Variants in CACNA1B observed in about 807,000 individuals in gnomAD.
CACNA1B encodes voltage-dependent N-type calcium channel subunit alpha-1B.
In CACNA1B, 70 loss-of-function variants were observed where a neutral mutation model predicts 247.2. The ratio of observed to expected loss-of-function variants is 0.28; its 90% CI spans 0.23 to 0.35. CACNA1B has a LOEUF of 0.35. CACNA1B is among the 10% of genes least tolerant of loss of function. CACNA1B has a pLI of 1.00. For synonymous variants in CACNA1B, 1,231 were observed against 1,294.4 expected (o/e 0.95, Z 1.05); for missense variants, 2,367 against 3,197.4 (o/e 0.74, Z 6.26).
In CACNA1B at chr9:138,012,709, G is replaced by A. The variant is rs1442781746; in HGVS notation, c.2161-420G>A. Among the ~76,000 whole-genome samples, 2 of 149,090 alleles carry A rather than the reference G, an allele frequency of 1.3e-5. No individual in the cohort carries two copies. Among genetic ancestry groups the A allele is most frequent in the African/African-American group, 5.0e-5 (2 of 40,228 alleles). ...AGCTTGGGTGACAGAGCGAGACCCT[G>A]TCTCTAAAAAAAAAAAAAACAAATA... On this transcript the variant is annotated intron_variant, in intron 17 of 46. Coordinates refer to ENST00000371372, the MANE Select transcript of CACNA1B (RefSeq NM_000718.4). This position sits in a 1 kb window ranked among gnomAD's most constrained non-coding sequence, Gnocchi z 4.2.
chr9:138,049,567 C>T (rs1959214456), intron 24 of CACNA1B, among the ~76,000 whole-genome samples: 1 of 152,216 alleles, frequency 6.6e-6, no homozygotes, highest in African/African-American at 2.4e-5. Flanking sequence ...CCATCCCCGC[C>T]TGCCTGGAGG....
At chr9:138,088,096 C>T (rs1311418449) in intron 36 of CACNA1B, among the ~76,000 whole-genome samples, 1 of 151,918 alleles carries the variant, frequency 6.6e-6, no homozygotes, top group East Asian at 1.9e-4. Flanking sequence ...TAGCCAGGTG[C>T]GGTGGCTCAC....
At chr9:138,106,340 G>T (rs1961424512) in intron 39 of CACNA1B, among the ~76,000 whole-genome samples, 1 of 150,030 alleles carries the variant, frequency 6.7e-6, no homozygotes, top group Non-Finnish European at 1.5e-5. Flanking sequence ...CCCTGCGTCT[G>T]CCCCATCTCC....
intron 36 of CACNA1B, among the ~76,000 whole-genome samples, chr9:138,079,378 G>A (rs909348503): frequency 6.6e-6 from 1 of 152,152 alleles, no homozygotes; most frequent in African/African-American, 2.4e-5. Flanking sequence ...GGAGAACCAG[G>A]AGTGGGCGGA....
intron 10 of CACNA1B, among the ~76,000 whole-genome samples, chr9:137,969,753 C>T (rs892978152): frequency 6.6e-6 from 1 of 152,162 alleles, no homozygotes; most frequent in Non-Finnish European, 1.5e-5. Context: ...GTGTGTGACT[C>T]CTGTGTTCCT....
chr9:138,063,645 C>T (rs938307341), intron 31 of CACNA1B, among the ~76,000 whole-genome samples: 6 of 152,234 alleles, frequency 3.9e-5, no homozygotes, highest in Admixed American at 3.3e-4. Flanking sequence ...CAGGTTGGCA[C>T]CTGTGTGCCA....
rs183665836 is a variant in CACNA1B, at chr9:138,086,557, G to A, written c.5094+8299G>A. On this transcript the variant is annotated intron_variant, in intron 36 of 46. Transcript: ENST00000371372. ...TCTCTTTAAGAAAAAAAATTTTAGG[G>A]CAAGGAATGTCATTATATAATGATA... Among the ~76,000 whole-genome samples, 49 of 151,044 alleles carry A rather than the reference G, an allele frequency of 3.2e-4. 1 individual carries two copies. Among genetic ancestry groups the A allele is most frequent in the African/African-American group, 4.7e-4 (19 of 40,842 alleles).
intron 10 of CACNA1B, among the ~76,000 whole-genome samples, chr9:137,968,162 C>T (rs1354020858): frequency 6.6e-6 from 1 of 152,224 alleles, no homozygotes; most frequent in South Asian, 2.1e-4. Flanking sequence ...GATTCACTTA[C>T]ATTCAGGACC....
At chr9:138,116,121 G>C (rs368922301) in intron 42 of CACNA1B, among the ~76,000 whole-genome samples, 1 of 152,288 alleles carries the variant, frequency 6.6e-6, no homozygotes, top group African/African-American at 2.4e-5. Flanking sequence ...CCCTGCCCCT[G>C]CTCCTCATCG....
At chr9:137,937,535 C>G (rs1001106173) in intron 6 of CACNA1B, among the ~76,000 whole-genome samples, 1 of 152,154 alleles carries the variant, frequency 6.6e-6, no homozygotes, top group Non-Finnish European at 1.5e-5. Flanking sequence ...TCAAGGAAAA[C>G]TTCCCTAGCC....
At position 138,114,378 on chromosome 9, in the gene CACNA1B, C is replaced by T; in HGVS notation, c.5537C>T (p.Pro1846Leu). The change falls in exon 41 of 47, where the codon CCT (proline) becomes CTT (leucine). Residue 1846 changes from proline to leucine, a missense_variant and splice_region_variant. Around this residue, in one of 12 missense-constraint regions of CACNA1B, gnomAD observed 773 missense variants for 779.4 expected, o/e 0.99. Coordinates refer to ENST00000371372, the MANE Select transcript of CACNA1B (RefSeq NM_000718.4). ...TLDLLVPPHK[P>L]DEMTVGKVYA... ...TCTCAACTCCTGTGTTCTTTTCCAG[C>T]TGATGAGATGACAGTGGGGAAGGTT... The T allele has an allele frequency of 1.3e-6, 2 of 1,487,328 alleles. No homozygotes were observed. The highest frequency in any genetic ancestry group is 1.9e-6 in the Non-Finnish European group (2 of 1,074,010). 92.1% of individuals were successfully genotyped at this position (1,487,328 alleles called of 1,614,324 possible). A position where few individuals can be genotyped will look rare whatever the true frequency, so the allele number is the denominator to read the frequency against.
Position 138,073,678 on chromosome 9 carries a change from G to C in CACNA1B, c.4791+74G>C, listed in dbSNP as rs1960211052. ...TGCTTCCCCTGCCCCCACCACAGTG[G>C]CCCCTCCTTTGGGAGGCTGGGAGAG... is the stretch of plus-strand genomic sequence containing the variant. On this transcript the variant is annotated intron_variant, in intron 33 of 46. Transcript: ENST00000371372. This position sits in a 1 kb window ranked among gnomAD's most constrained non-coding sequence, Gnocchi z 6.4. 2 of 886,972 alleles carry C rather than the reference G, an allele frequency of 2.3e-6. No individual in the cohort carries two copies. The highest frequency in any genetic ancestry group is 3.3e-5 in the African/African-American group (2 of 60,914). The allele number at this position is 886,972 out of a possible 1,614,324, so 54.9% of individuals were successfully genotyped here.
intron 35 of CACNA1B, among the ~76,000 whole-genome samples, chr9:138,076,828 G>A (rs780102021): frequency 3.3e-5 from 5 of 152,190 alleles, no homozygotes; most frequent in East Asian, 1.9e-4. Context: ...CTGCAGATGC[G>A]CGCTGGGGCG....
intron 6 of CACNA1B, among the ~76,000 whole-genome samples, chr9:137,931,512 C>A (rs1391464114): frequency 1.3e-5 from 2 of 152,136 alleles, no homozygotes; most frequent in Non-Finnish European, 2.9e-5. Context: ...GAAGTCAGCA[C>A]AAATCGGCCT....
At chr9:137,935,782 CTTTT>C (rs71387877) in intron 6 of CACNA1B, among the ~76,000 whole-genome samples, 1 of 146,692 alleles carries the variant, frequency 6.8e-6, no homozygotes, top group Non-Finnish European at 1.5e-5. Context: ...CTGACTTTTT[CTTTT>C]TTTTTTTTGA....
intron 10 of CACNA1B, among the ~76,000 whole-genome samples, chr9:137,966,989 C>A (rs1958086703): frequency 6.7e-6 from 1 of 149,844 alleles, no homozygotes; most frequent in South Asian, 2.1e-4. Context: ...AAAAAAAAAA[C>A]CCAGTTGTAT....
intron 31 of CACNA1B, among the ~76,000 whole-genome samples, chr9:138,067,892 A>G (rs1959975815): frequency 1.3e-5 from 2 of 152,216 alleles, no homozygotes; most frequent in Admixed American, 1.3e-4. Context: ...TCCTGGCACC[A>G]GCGTTCTGCC....
chr9:137,917,371 T>C lies in CACNA1B; in HGVS notation c.906T>C (p.Phe302=). ...TCACCAACTTTGACAATATCCTGTTTGCCATCTTGACGGTGTTCCAGTGCA... is the reference window on the plus strand; with the variant it reads ...TCACCAACTTTGACAATATCCTGTTCGCCATCTTGACGGTGTTCCAGTGCA... ...FGITNFDNIL[F]AILTVFQCIT... Residue 302 remains phenylalanine (F), a synonymous_variant, in exon 6 of 47, where the codon TTT becomes TTC. Coordinates refer to ENST00000371372, the MANE Select transcript of CACNA1B (RefSeq NM_000718.4). This position sits in a 1 kb window ranked among gnomAD's most constrained non-coding sequence, Gnocchi z 5.5. 1 of 1,614,004 alleles carries C rather than the reference T, an allele frequency of 6.2e-7. No homozygotes were observed. The highest frequency in any genetic ancestry group is 2.2e-5 in the East Asian group (1 of 44,882).
At position 137,999,327 on chromosome 9, in the gene CACNA1B, T is replaced by G. The variant is rs141976052; in HGVS notation, c.1975-7440T>G. ...CAGGCACCGTTAATGAAAAGTCATT[T>G]AATATCTTTCCCATATTTGTAAGTT... On this transcript the variant is annotated intron_variant, in intron 15 of 46. Transcript: ENST00000371372. Among the ~76,000 whole-genome samples, 24 of 152,344 alleles carry G rather than the reference T, an allele frequency of 1.6e-4. No individual in the cohort carries two copies. In the East Asian group the frequency reaches 4.6e-3, roughly 29 times the overall value.
Sources: allele counts gnomAD v4.1 joint callset (sites outside exome capture counted in the v4.1 genomes callset), GRCh38; gene constraint gnomAD v4.1.1; regional missense constraint gnomAD v4.1.1; non-coding constraint Gnocchi (gnomAD v3.1); transcripts MANE v1.5; gene names NCBI Gene and HGNC (gene_info 2026-07-23, HGNC 2026-07-21).